Variants in SPACA7 observed in about 807,000 individuals in gnomAD.
SPACA7 encodes the protein sperm acrosome-associated protein 7.
SPACA7 carries 19 observed loss-of-function variants against 26.3 expected under a neutral mutation model. The observed-to-expected ratio is 0.72, with a 90% confidence interval of 0.50 to 1.06. The LOEUF is 1.06. SPACA7 is among the 50% of genes least tolerant of loss of function. SPACA7 has a pLI of 0.00. For missense variants in SPACA7, 211 were observed against 229.9 expected (o/e 0.92, Z 0.53); for synonymous variants, 84 against 84.5 (o/e 0.99, Z 0.04).
intron 5 of SPACA7, among the ~76,000 whole-genome samples, chr13:112,415,189 A>C (rs1407310587): frequency 3.3e-5 from 5 of 152,160 alleles, no homozygotes. Flanking sequence ...ATCTCTCTCC[A>C]CACTGAGCTG....
intron 5 of SPACA7, among the ~76,000 whole-genome samples, chr13:112,414,513 C>A (rs911396442): frequency 1.4e-5 from 2 of 146,048 alleles, no homozygotes; most frequent in Non-Finnish European, 1.5e-5. Context: ...CAGATTCAAG[C>A]AGTTCTCCTG....
chr13:112,378,776 C>G, intron 1 of SPACA7: 1 of 471,082 alleles, frequency 2.1e-6, no homozygotes, highest in South Asian at 1.5e-5. Flanking sequence ...TTTTTAAAAA[C>G]TGTCTGGTCA....
intron 1 of SPACA7, 111 bp downstream of exon 1, chr13:112,376,590 T>C: frequency 4.3e-6 from 5 of 1,160,522 alleles, no homozygotes; most frequent in Non-Finnish European, 6.0e-6. Context: ...ATTTACCATT[T>C]ATTCCTTGGG....
chr13:112,383,149 GAAAGAA>G (rs1566453357), intron 1 of SPACA7, among the ~76,000 whole-genome samples: 2 of 97,426 alleles, frequency 2.1e-5, no homozygotes, highest in Admixed American at 1.0e-4. Context: ...AAGAAAGAAA[GAAAGAA>G]AGAAAGAAAG....
chr13:112,415,749 G>C lies in SPACA7; in HGVS notation c.445+14585G>C, dbSNP rs1269210205. Among the ~76,000 whole-genome samples the C allele has an allele frequency of 3.9e-5, 6 of 152,132 alleles. 1 individual carries two copies. The highest frequency in any genetic ancestry group is 4.1e-4 in the South Asian group (2 of 4,826). ...CCACAGGGTTCACCCAAGGACTGTG[G>C]TCACTATAGCCCTGCTGACACTGAA... On this transcript the variant is annotated intron_variant, in intron 5 of 6. Transcript: ENST00000283550.
At chr13:112,387,581 G>C (rs1884609071) in intron 1 of SPACA7, among the ~76,000 whole-genome samples, 4 of 152,220 alleles carry the variant, frequency 2.6e-5, no homozygotes, top group Non-Finnish European at 4.4e-5. Context: ...CAGAGAAAGA[G>C]AGAGACCAGA....
intron 1 of SPACA7, among the ~76,000 whole-genome samples, chr13:112,389,716 G>A (rs1214111366): frequency 6.6e-6 from 1 of 152,198 alleles, no homozygotes; most frequent in Non-Finnish European, 1.5e-5. Flanking sequence ...AACAGTGATT[G>A]TATGGCTTCA....
At chr13:112,392,528 C>T (rs1246349230) in intron 1 of SPACA7, among the ~76,000 whole-genome samples, 2 of 152,194 alleles carry the variant, frequency 1.3e-5, no homozygotes, top group African/African-American at 4.8e-5. Flanking sequence ...GATGCAGCCA[C>T]AGCATTGCAC....
chr13:112,408,335 TC>T (rs1886124461), intron 5 of SPACA7, among the ~76,000 whole-genome samples: 3 of 152,052 alleles, frequency 2.0e-5, no homozygotes, highest in Admixed American at 2.0e-4. Flanking sequence ...CTCTCACCAC[TC>T]CTATTCAACA....
At chr13:112,401,004 C>T in intron 4 of SPACA7, 65 bp from the exon 5 acceptor site, 2 of 1,163,426 alleles carry the variant, frequency 1.7e-6, no homozygotes, top group Non-Finnish European at 2.5e-6. Flanking sequence ...AAATAAATGA[C>T]CAAAGTGCTT....
chr13:112,404,593 T>C (rs1885854600), intron 5 of SPACA7, among the ~76,000 whole-genome samples: 1 of 152,240 alleles, frequency 6.6e-6, no homozygotes, highest in Admixed American at 6.5e-5. Flanking sequence ...GATTTTTGTA[T>C]AAGCTGAGAG....
chr13:112,404,358 C>T (rs2138973918), intron 5 of SPACA7, among the ~76,000 whole-genome samples: 1 of 152,292 alleles, frequency 6.6e-6, no homozygotes, highest in African/African-American at 2.4e-5. Context: ...TTTTCTCCCA[C>T]TCTGTGGATT....
chr13:112,429,726 T>C (rs932553621), intron 5 of SPACA7, among the ~76,000 whole-genome samples: 2 of 152,236 alleles, frequency 1.3e-5, no homozygotes, highest in African/African-American at 4.8e-5. Context: ...GTAGATGATA[T>C]TTTATTGCTT....
At chr13:112,387,059 A>G (rs1884573815) in intron 1 of SPACA7, among the ~76,000 whole-genome samples, 1 of 152,250 alleles carries the variant, frequency 6.6e-6, no homozygotes, top group Non-Finnish European at 1.5e-5. Flanking sequence ...ACTAGAACCC[A>G]GGCCACCATT....
At chr13:112,390,649 C>G (rs1460509625) in intron 1 of SPACA7, among the ~76,000 whole-genome samples, 1 of 152,194 alleles carries the variant, frequency 6.6e-6, no homozygotes, top group Non-Finnish European at 1.5e-5. Flanking sequence ...AAAGGAGAAG[C>G]AAGTACATCT....
Position 112,399,184 on chromosome 13 carries a change from C to T in SPACA7, c.349+11C>T, listed in dbSNP as rs1490036252. ...AAATTTCCAATGATGGTAAATGCAA[C>T]CCAGTAATTACCCCTTCCCAAGTCC... On this transcript the variant is annotated intron_variant, in intron 4 of 6. Transcript: ENST00000283550. The T allele has an allele frequency of 3.0e-5, 41 of 1,381,154 alleles. No individual in the cohort carries two copies. The highest frequency in any genetic ancestry group is 4.2e-5 in the Non-Finnish European group (41 of 967,734). The allele number at this position is 1,381,154 out of a possible 1,614,324, so 85.6% of individuals were successfully genotyped here.
rs369355851 is a variant in SPACA7 at position 112,424,824 on chromosome 13, T to A, written c.446-7620T>A. ...CTGAGAGCTGTCTGTTCATGCTGTC[T>A]CAGTACCTGCTGCTCTGGGCTGCAG... On this transcript the variant is annotated intron_variant, in intron 5 of 6. Transcript: ENST00000283550. Among the ~76,000 whole-genome samples, 192 of 152,140 alleles carry A rather than the reference T, an allele frequency of 1.3e-3. 2 individuals are homozygous for A. In the South Asian group the frequency reaches 0.038, roughly 30 times the overall value.
intron 2 of SPACA7, among the ~76,000 whole-genome samples, chr13:112,395,267 G>A (rs1291520086): frequency 3.3e-5 from 5 of 152,302 alleles, no homozygotes; most frequent in South Asian, 4.1e-4. Flanking sequence ...TTCTCTGGTC[G>A]GCTCCGAATT....
In SPACA7 at chr13:112,430,363, T is replaced by C. The variant is rs566926608; in HGVS notation, c.446-2081T>C. 2.6e-5 allele frequency among the ~76,000 whole-genome samples: 4 copies of C among 152,370 alleles called. No individual in the cohort carries two copies. The South Asian group carries it at 8.3e-4, about 32-fold the overall frequency. On this transcript the variant is annotated intron_variant, in intron 5 of 6. Transcript: ENST00000283550. The stretch of plus-strand genomic sequence containing the variant: ...CAAGCATAGGGCTGCATTCAGCTGC[T>C]TTCCATCTCTCAGGGGATCACTGCT...
Sources: gnomAD v4.1 joint callset for allele counts (sites outside exome capture counted in the v4.1 genomes callset) on GRCh38, gnomAD v4.1.1 for gene constraint, MANE v1.5 for transcripts, NCBI Gene and HGNC (gene_info 2026-07-23, HGNC 2026-07-21) for gene names.